SGCD: variants seen among roughly 807,000 people sequenced by gnomAD.
SGCD encodes the protein sarcoglycan delta, also known as delta-sarcoglycan.
SGCD carries 18 observed loss-of-function variants against 36.6 expected under a neutral mutation model. That is an observed-to-expected ratio of 0.49 (90% confidence interval 0.34 to 0.73). The LOEUF (loss-of-function observed/expected upper bound fraction) is 0.73. SGCD is among the 30% of genes least tolerant of loss of function. The pLI is 0.01. For missense variants in SGCD, 387 were observed against 346.7 expected (o/e 1.12, Z -0.92); for synonymous variants, 133 against 130.6 (o/e 1.02, Z -0.12).
intron 3 of SGCD, among the ~76,000 whole-genome samples, chr5:156,309,638 T>C (rs1312064442): frequency 6.7e-6 from 1 of 148,760 alleles, no homozygotes; most frequent in Admixed American, 6.8e-5. Context: ...TCTCGCACTG[T>C]CGCCTGGGCT....
intron 3 of SGCD, among the ~76,000 whole-genome samples, chr5:156,426,760 A>G (rs1047952755): frequency 6.6e-6 from 1 of 152,046 alleles, no homozygotes; most frequent in African/African-American, 2.4e-5. Flanking sequence ...ATGAAGATCC[A>G]GTTCATTCTT....
intron 1 of SGCD, among the ~76,000 whole-genome samples, chr5:155,924,702 C>T (rs1756960620): frequency 6.6e-6 from 1 of 152,034 alleles, no homozygotes; most frequent in Admixed American, 6.6e-5. Context: ...TCAGTATGTC[C>T]TTAGGTAAAA....
chr5:156,199,561 C>T (rs1380477046), intron 3 of SGCD, among the ~76,000 whole-genome samples: 5 of 152,156 alleles, frequency 3.3e-5, no homozygotes, highest in East Asian at 1.9e-4. Context: ...CTGAGATAGG[C>T]GTTTGGAGAC....
chr5:156,711,205 G>T (rs1435824225), intron 7 of SGCD, among the ~76,000 whole-genome samples: 1 of 152,116 alleles, frequency 6.6e-6, no homozygotes, highest in African/African-American at 2.4e-5. Context: ...AAGAGGGGGG[G>T]TCCATTCAGT....
At chr5:156,297,574 T>C (rs1420755793) in intron 3 of SGCD, among the ~76,000 whole-genome samples, 14 of 134,200 alleles carry the variant, frequency 1.0e-4, no homozygotes, top group African/African-American at 3.7e-4. Flanking sequence ...CACTCATAGG[T>C]GGGAATTGAA....
At chr5:156,647,389 A>C (rs1763269317) in intron 6 of SGCD, 75 bp from the exon 7 acceptor site, 1 of 970,750 alleles carries the variant, frequency 1.0e-6, no homozygotes. Flanking sequence ...ATTTAGCTCC[A>C]ATCAGTGTGC....
At chr5:156,648,153 CT>C (rs909218003) in intron 7 of SGCD, among the ~76,000 whole-genome samples, 4 of 152,108 alleles carry the variant, frequency 2.6e-5, no homozygotes, top group Non-Finnish European at 4.4e-5. Flanking sequence ...AACCATGCCC[CT>C]GTCCCTCCCG....
chr5:156,656,702 CTACT>C (rs1480212046), intron 7 of SGCD, among the ~76,000 whole-genome samples: 1 of 152,100 alleles, frequency 6.6e-6, no homozygotes, highest in African/African-American at 2.4e-5. Flanking sequence ...AATCAGTGCA[CTACT>C]TAATTTAGAA....
At chr5:156,101,941 T>TGTGA (rs1218348339) in intron 1 of SGCD, among the ~76,000 whole-genome samples, 88 of 138,342 alleles carry the variant, frequency 6.4e-4, no homozygotes, top group South Asian at 1.4e-3. Flanking sequence ...TGTGTGTGTG[T>TGTGA]GAGAGAGAGA....
intron 3 of SGCD, among the ~76,000 whole-genome samples, chr5:156,463,649 A>G (rs1431121541): frequency 6.6e-6 from 1 of 152,128 alleles, no homozygotes; most frequent in Non-Finnish European, 1.5e-5. Flanking sequence ...TGCCTTTGTC[A>G]CTGAAGTTCT....
chr5:155,817,233 A>T, the SGCD span, among the ~76,000 whole-genome samples: 1 of 152,174 alleles, frequency 6.6e-6, no homozygotes, highest in African/African-American at 2.4e-5. Context: ...ATACTGCTGT[A>T]CATACAATAT....
At chr5:156,042,847 G>C (rs2127578730) in intron 1 of SGCD, among the ~76,000 whole-genome samples, 1 of 152,240 alleles carries the variant, frequency 6.6e-6, no homozygotes, top group Non-Finnish European at 1.5e-5. Flanking sequence ...AATAATGGCT[G>C]GTAATCATTT....
chr5:156,181,157 T>C (rs371341530), intron 3 of SGCD, among the ~76,000 whole-genome samples: 2 of 152,200 alleles, frequency 1.3e-5, no homozygotes, highest in South Asian at 4.1e-4. Context: ...CCTTTCATTT[T>C]AAAAGCGCTC....
intron 3 of SGCD, among the ~76,000 whole-genome samples, chr5:156,416,307 C>T (rs1773029069): frequency 6.6e-6 from 1 of 152,060 alleles, no homozygotes; most frequent in Admixed American, 6.6e-5. Context: ...ATATGTGGGA[C>T]CTAAACTGTG....
the SGCD span, among the ~76,000 whole-genome samples, chr5:155,736,669 T>C: frequency 2.6e-4 from 40 of 152,186 alleles, no homozygotes; most frequent in Non-Finnish European, 4.7e-4. Flanking sequence ...AGGATAAATA[T>C]TACTGTCACT....
intron 6 of SGCD, among the ~76,000 whole-genome samples, chr5:156,630,952 A>G (rs1762609768): frequency 6.6e-6 from 1 of 152,198 alleles, no homozygotes; most frequent in South Asian, 2.1e-4. Flanking sequence ...TTATAAGAAA[A>G]CAAAAGGAGG....
chr5:156,204,632 T>C (rs927161434), intron 3 of SGCD, among the ~76,000 whole-genome samples: 1 of 152,118 alleles, frequency 6.6e-6, no homozygotes, highest in African/African-American at 2.4e-5. Context: ...AGCCTCACTT[T>C]CTTCATCTGA....
chr5:155,955,296 A>G (rs1055890124), intron 1 of SGCD, among the ~76,000 whole-genome samples: 1 of 152,168 alleles, frequency 6.6e-6, no homozygotes, highest in Non-Finnish European at 1.5e-5. Flanking sequence ...TAGTAAGTAA[A>G]TGAATTCAAT....
At chr5:156,347,840 A>G (rs771545764) in intron 3 of SGCD, among the ~76,000 whole-genome samples, 13 of 152,330 alleles carry the variant, frequency 8.5e-5, no homozygotes, top group Middle Eastern at 3.4e-3. Flanking sequence ...CTTATATGAC[A>G]TTAAGGTAAT....
Sources: allele counts gnomAD v4.1 joint callset (sites outside exome capture counted in the v4.1 genomes callset), GRCh38; gene constraint gnomAD v4.1.1; transcripts MANE v1.5; gene names NCBI Gene and HGNC (gene_info 2026-07-23, HGNC 2026-07-21).